PRRG1: variants seen among roughly 807,000 people sequenced by gnomAD.
PRRG1 encodes the protein proline rich and Gla domain 1.
In PRRG1, 5 loss-of-function variants were observed where a neutral mutation model predicts 11.8. The ratio of observed to expected loss-of-function variants is 0.42; its 90% CI spans 0.22 to 0.89. The LOEUF is 0.89. Among genes scored for constraint, PRRG1 ranks in the 40% least tolerant of loss-of-function variants. PRRG1 has a pLI of 0.28. For synonymous variants in PRRG1, 66 were observed against 60.4 expected (o/e 1.09, Z -0.43); for missense variants, 155 against 166.1 (o/e 0.93, Z 0.37).
At chrX:37,351,883 A>G (rs1359515765) in intron 1 of PRRG1, among the ~76,000 whole-genome samples, 1 of 112,871 alleles carries the variant, frequency 8.9e-6, no homozygotes, top group African/African-American at 3.2e-5. Flanking sequence ...TGATGTAACT[A>G]AAGAAAGCTG....
intron 3 of PRRG1, chrX:37,441,153 GAA>G: frequency 2.8e-6 from 2 of 723,918 alleles, no homozygotes; most frequent in Non-Finnish European, 1.7e-6. Flanking sequence ...CCAGAAACAA[GAA>G]AATGTTACCA....
At chrX:37,404,430 A>G (rs1050075230) in intron 1 of PRRG1, among the ~76,000 whole-genome samples, 3 of 111,912 alleles carry the variant, frequency 2.7e-5, no homozygotes, top group African/African-American at 9.7e-5. Flanking sequence ...TCTGATTTGA[A>G]TGGGTTACAG....
chrX:37,440,761 TA>T, intron 3 of PRRG1: 5 of 509,852 alleles, frequency 9.8e-6, no homozygotes, highest in Non-Finnish European at 1.7e-5. Context: ...TTTTCTATTT[TA>T]TTTTATTATT....
chrX:37,376,244 C>T (rs929207570), intron 1 of PRRG1, among the ~76,000 whole-genome samples: 16 of 108,635 alleles, frequency 1.5e-4, no homozygotes, highest in Admixed American at 4.0e-4. Flanking sequence ...TGGAGTTGGA[C>T]TACATCGATT....
intron 2 of PRRG1, among the ~76,000 whole-genome samples, chrX:37,425,240 G>A (rs1449229459): frequency 9.0e-6 from 1 of 111,524 alleles, no homozygotes; most frequent in East Asian, 2.8e-4. Flanking sequence ...AAAGGACAGT[G>A]AAATGAGGTT....
At chrX:37,439,879 A>G (rs1356553613) in intron 3 of PRRG1, among the ~76,000 whole-genome samples, 1 of 98,613 alleles carries the variant, frequency 1.0e-5, no homozygotes, top group African/African-American at 4.0e-5. Flanking sequence ...AGCTCACTGC[A>G]GCCTTCGCCT....
chrX:37,403,784 T>C (rs1556381230), intron 1 of PRRG1: 1 of 749,357 alleles, frequency 1.3e-6, no homozygotes, highest in Admixed American at 8.9e-5. Flanking sequence ...GGAGGTAACC[T>C]GGGCCTGGGG....
At chrX:37,386,209 TATC>T (rs1931322667) in intron 1 of PRRG1, among the ~76,000 whole-genome samples, 1 of 112,543 alleles carries the variant, frequency 8.9e-6, no homozygotes, top group Non-Finnish European at 1.9e-5. Flanking sequence ...TAACAAATGA[TATC>T]ATGAATACTG....
chrX:37,370,199 A>C (rs910075457), intron 1 of PRRG1, among the ~76,000 whole-genome samples: 2 of 112,087 alleles, frequency 1.8e-5, no homozygotes, highest in South Asian at 7.6e-4. Flanking sequence ...ATAGTATTCC[A>C]TTGTGAGTAT....
intron 1 of PRRG1, among the ~76,000 whole-genome samples, chrX:37,385,520 G>A (rs1355401385): frequency 9.1e-6 from 1 of 110,412 alleles, no homozygotes; most frequent in East Asian, 2.8e-4. Flanking sequence ...TTTTACAAAA[G>A]AGCAGTACTA....
chrX:37,352,868 G>A (rs925338670), intron 1 of PRRG1, among the ~76,000 whole-genome samples: 3 of 111,810 alleles, frequency 2.7e-5, no homozygotes, highest in East Asian at 5.6e-4. Flanking sequence ...GTTCCCATAA[G>A]ATTATAATGG....
intron 3 of PRRG1, among the ~76,000 whole-genome samples, chrX:37,444,915 C>T (rs1556394773): frequency 9.0e-6 from 1 of 111,257 alleles, no homozygotes; most frequent in Admixed American, 9.6e-5. Context: ...CCCTAGAACA[C>T]TGTGCTTGTT....
chrX:37,384,368 A>T (rs1464149569), intron 1 of PRRG1, among the ~76,000 whole-genome samples: 3 of 111,487 alleles, frequency 2.7e-5, no homozygotes, highest in African/African-American at 9.8e-5. Flanking sequence ...CACCCACCAA[A>T]ATGAAGCAAA....
intron 3 of PRRG1, among the ~76,000 whole-genome samples, chrX:37,435,308 C>T (rs1890797671): frequency 9.1e-6 from 1 of 110,298 alleles, no homozygotes; most frequent in African/African-American, 3.3e-5. Context: ...AATAAATACA[C>T]ATGATTATAT....
At chrX:37,405,398 G>T (rs1556381736) in intron 1 of PRRG1, among the ~76,000 whole-genome samples, 1 of 111,876 alleles carries the variant, frequency 8.9e-6, no homozygotes, top group African/African-American at 3.2e-5. Context: ...TGGACTGATA[G>T]TTTATGTCTT....
intron 1 of PRRG1, among the ~76,000 whole-genome samples, chrX:37,358,727 G>C: frequency 9.0e-6 from 1 of 110,579 alleles, no homozygotes; most frequent in Non-Finnish European, 1.9e-5. Context: ...AGAATCAGTT[G>C]TTTTTTAAAA....
intron 3 of PRRG1, among the ~76,000 whole-genome samples, chrX:37,450,123 G>T (rs1216965551): frequency 3.6e-5 from 4 of 112,237 alleles, no homozygotes; most frequent in Non-Finnish European, 5.6e-5. Context: ...GAAAATGATG[G>T]AAGATTGAAT....
intron 1 of PRRG1, among the ~76,000 whole-genome samples, chrX:37,402,702 C>G (rs1420701575): frequency 2.7e-5 from 3 of 111,381 alleles, no homozygotes; most frequent in African/African-American, 9.8e-5. Flanking sequence ...AGGCAACCTA[C>G]AAAATGGGAG....
intron 1 of PRRG1, among the ~76,000 whole-genome samples, chrX:37,403,487 G>A (rs1283686433): frequency 1.5e-5 from 1 of 66,898 alleles, no homozygotes; most frequent in African/African-American, 5.8e-5. Context: ...TGTGGGGTGG[G>A]GGGAGGGGGG....
Sources: gnomAD v4.1 joint callset for allele counts (sites outside exome capture counted in the v4.1 genomes callset) on GRCh38, gnomAD v4.1.1 for gene constraint, MANE v1.5 for transcripts, NCBI Gene and HGNC (gene_info 2026-07-23, HGNC 2026-07-21) for gene names.